CTNNA2: variants seen among roughly 807,000 people sequenced by gnomAD.
The protein encoded by CTNNA2 is catenin alpha 2.
A neutral mutation model predicts 101.0 loss-of-function variants in CTNNA2; 42 were observed. That is an observed-to-expected ratio of 0.42 (90% CI 0.32 to 0.54). The LOEUF is 0.54. CTNNA2 is among the 20% of genes least tolerant of loss of function. The pLI, the probability that CTNNA2 is intolerant of heterozygous loss-of-function variation, is 0.14. For missense variants in CTNNA2, 871 were observed against 1,223.1 expected (o/e 0.71, Z 4.29); for synonymous variants, 450 against 456.4 (o/e 0.99, Z 0.18).
intron 1 of CTNNA2, among the ~76,000 whole-genome samples, chr2:79,518,880 GT>G (rs142460002): frequency 3.6e-4 from 54 of 150,100 alleles, no homozygotes; most frequent in Middle Eastern, 3.5e-3. Context: ...CACAAAATAT[GT>G]TTTTTTTTTC....
chr2:79,407,907 AGGATGTCATTTGTTAT>A (rs1348706225), intron 4 of CTNNA2, among the ~76,000 whole-genome samples: 3 of 152,190 alleles, frequency 2.0e-5, no homozygotes, highest in African/African-American at 4.8e-5. Context: ...CATAGTGTTC[AGGATGTCATTTGTTAT>A]GAATCTATTT....
intron 3 of CTNNA2, among the ~76,000 whole-genome samples, chr2:79,768,995 T>C (rs6547278): frequency 0.45 from 68,532 of 151,794 alleles, 19,324 homozygotes; most frequent in African/African-American, 0.77. Context: ...GCTGGGACTA[T>C]AGGTGCCCGC....
At chr2:79,688,759 C>A (rs149952211) in intron 2 of CTNNA2, among the ~76,000 whole-genome samples, 1 of 152,070 alleles carries the variant, frequency 6.6e-6, no homozygotes. Context: ...AGAAGAGCTT[C>A]GGGCAGTTTC....
intron 4 of CTNNA2, among the ~76,000 whole-genome samples, chr2:79,441,353 A>G (rs1678776141): frequency 6.6e-6 from 1 of 152,114 alleles, no homozygotes; most frequent in Non-Finnish European, 1.5e-5. Flanking sequence ...TTGTATTTTT[A>G]TGGTTTCATG....
At chr2:79,936,545 CT>C (rs5832422) in intron 7 of CTNNA2, among the ~76,000 whole-genome samples, 98,274 of 148,248 alleles carry the variant, frequency 0.66, 32,494 homozygotes, top group East Asian at 0.82. Context: ...TCCAAGCGTC[CT>C]TTTTTTTTTT....
intron 2 of CTNNA2, among the ~76,000 whole-genome samples, chr2:79,306,019 C>A (rs901943208): frequency 2.1e-5 from 3 of 140,270 alleles, no homozygotes; most frequent in African/African-American, 8.5e-5. Context: ...GCACTCCAGC[C>A]TGGGCAACAG....
intron 3 of CTNNA2, among the ~76,000 whole-genome samples, chr2:79,857,262 C>T (rs1681215552): frequency 2.0e-5 from 3 of 152,232 alleles, no homozygotes; most frequent in African/African-American, 7.2e-5. Flanking sequence ...CCTCTCCCCT[C>T]TGTGTTGCCT....
chr2:79,225,872 A>G (rs376155420), intron 2 of CTNNA2, among the ~76,000 whole-genome samples: 19 of 152,320 alleles, frequency 1.2e-4, no homozygotes, highest in African/African-American at 4.6e-4. Context: ...TATGGAATGT[A>G]ACAACACCAT....
chr2:79,980,923 T>C (rs1224497577), intron 7 of CTNNA2, among the ~76,000 whole-genome samples: 1 of 152,150 alleles, frequency 6.6e-6, no homozygotes, highest in African/African-American at 2.4e-5. Flanking sequence ...TTTCTTTCTT[T>C]TTTTTTTAAC....
intron 4 of CTNNA2, among the ~76,000 whole-genome samples, chr2:79,387,284 C>A (rs1678116012): frequency 6.6e-6 from 1 of 152,020 alleles, no homozygotes; most frequent in African/African-American, 2.4e-5. Context: ...CAATTAGAAC[C>A]TGAAATTCAT....
chr2:80,238,344 C>T (rs549595378), intron 7 of CTNNA2, among the ~76,000 whole-genome samples: 99 of 152,306 alleles, frequency 6.5e-4, no homozygotes, highest in African/African-American at 2.3e-3. Flanking sequence ...TTGTAAAGAG[C>T]TGGCCTTGAC....
At chr2:80,047,131 A>T (rs1696582077) in intron 7 of CTNNA2, among the ~76,000 whole-genome samples, 1 of 152,126 alleles carries the variant, frequency 6.6e-6, no homozygotes, top group Admixed American at 6.5e-5. Context: ...AGCTGTAGGG[A>T]TTCATTACCT....
At chr2:80,099,833 A>T (rs932200853) in intron 7 of CTNNA2, among the ~76,000 whole-genome samples, 2 of 152,066 alleles carry the variant, frequency 1.3e-5, no homozygotes, top group African/African-American at 4.8e-5. Context: ...GAGATGGAAG[A>T]TGGAAGAACC....
intron 1 of CTNNA2, among the ~76,000 whole-genome samples, chr2:79,621,992 C>T (rs1031676582): frequency 6.6e-6 from 1 of 152,102 alleles, no homozygotes; most frequent in Admixed American, 6.6e-5. Flanking sequence ...TAGCAGCCTT[C>T]GGAAGCCTGA....
chr2:79,816,413 C>T (rs1677502407), intron 3 of CTNNA2, among the ~76,000 whole-genome samples: 1 of 152,036 alleles, frequency 6.6e-6, no homozygotes, highest in South Asian at 2.1e-4. Context: ...ACCCATAACA[C>T]TTTTATACCA....
chr2:79,340,046 C>T (rs1449476338), intron 3 of CTNNA2: 2 of 152,080 alleles, frequency 1.3e-5, no homozygotes, highest in African/African-American at 4.8e-5. Flanking sequence ...TTAATGGTAA[C>T]ATGGATTCAA....
intron 7 of CTNNA2, among the ~76,000 whole-genome samples, chr2:80,178,955 G>A (rs377327946): frequency 2.0e-4 from 30 of 152,270 alleles, no homozygotes; most frequent in South Asian, 1.0e-3. Context: ...TCCAATCAGC[G>A]TAATATCATC....
At chr2:80,352,110 G>A (rs1377065071) in intron 7 of CTNNA2, among the ~76,000 whole-genome samples, 1 of 152,068 alleles carries the variant, frequency 6.6e-6, no homozygotes, top group Non-Finnish European at 1.5e-5. Flanking sequence ...GGAATCAAGG[G>A]TTATGTTTTT....
intron 7 of CTNNA2, chr2:80,027,972 C>CAAAAAAAAAAAAAAAAAAAAAAAA (rs1177032489): frequency 2.0e-4 from 4 of 19,824 alleles, no homozygotes; most frequent in African/African-American, 3.2e-4. Context: ...GACCCTGTCT[C>CAAAAAAAAAAAAAAAAAAAAAAAA]AAAAAAAAAA....
Sources: allele counts gnomAD v4.1 joint callset (sites outside exome capture counted in the v4.1 genomes callset), GRCh38; gene constraint gnomAD v4.1.1; transcripts MANE v1.5; gene names NCBI Gene and HGNC (gene_info 2026-07-23, HGNC 2026-07-21).